Variants in LRMDA observed in about 807,000 individuals in gnomAD.
LRMDA encodes the protein leucine rich melanocyte differentiation associated, also known as leucine-rich melanocyte differentiation-associated protein.
LRMDA carries 18 observed loss-of-function variants against 29.8 expected under a neutral mutation model. The ratio of observed to expected loss-of-function variants is 0.60; its 90% CI spans 0.42 to 0.90. LRMDA has a LOEUF of 0.90. Among genes scored for constraint, LRMDA ranks in the 40% least tolerant of loss-of-function variants. The pLI is 0.00. For synonymous variants in LRMDA, 125 were observed against 109.4 expected, an observed-to-expected ratio of 1.14 and a Z score of -0.89; for missense variants, 273 against 273.9, an observed-to-expected ratio of 1.00 and a Z score of 0.02.
chr10:75,845,385 A>G (rs922252963), intron 2 of LRMDA, among the ~76,000 whole-genome samples: 1 of 152,182 alleles, frequency 6.6e-6, no homozygotes, highest in African/African-American at 2.4e-5. Flanking sequence ...AACTGAATGG[A>G]TCATTTAACT....
chr10:75,734,113 A>G (rs1015087508), intron 2 of LRMDA, among the ~76,000 whole-genome samples: 2 of 152,190 alleles, frequency 1.3e-5, no homozygotes, highest in African/African-American at 4.8e-5. Flanking sequence ...TTCTGTTGCC[A>G]TCTGACTGCT....
intron 5 of LRMDA, among the ~76,000 whole-genome samples, chr10:76,296,978 A>G (rs898942242): frequency 6.6e-6 from 1 of 152,144 alleles, no homozygotes; most frequent in African/African-American, 2.4e-5. Context: ...GCTGAGAGTC[A>G]CACAGCTGTT....
At chr10:75,779,263 C>CT (rs1337925061) in intron 2 of LRMDA, among the ~76,000 whole-genome samples, 2 of 152,184 alleles carry the variant, frequency 1.3e-5, no homozygotes, top group African/African-American at 4.8e-5. Flanking sequence ...TATTTGACCC[C>CT]TTTTGCCCCT....
chr10:76,017,118 G>T (rs1847891612), intron 2 of LRMDA, among the ~76,000 whole-genome samples: 1 of 152,212 alleles, frequency 6.6e-6, no homozygotes, highest in African/African-American at 2.4e-5. Flanking sequence ...ATTTCAATAC[G>T]ACTGGTGTCC....
At chr10:75,907,611 G>T (rs1845777873) in intron 2 of LRMDA, among the ~76,000 whole-genome samples, 1 of 152,166 alleles carries the variant, frequency 6.6e-6, no homozygotes, top group Non-Finnish European at 1.5e-5. Flanking sequence ...GTGATGGCAT[G>T]GTACGCTGCT....
intron 5 of LRMDA, among the ~76,000 whole-genome samples, chr10:76,063,467 T>A (rs1848735221): frequency 6.6e-6 from 1 of 152,166 alleles, no homozygotes; most frequent in South Asian, 2.1e-4. Flanking sequence ...TCCACCTGAT[T>A]TTCCCATCGT....
In LRMDA at chr10:75,495,745, G is replaced by A. The variant is rs564455666; in HGVS notation, c.131+57251G>A. The stretch of plus-strand genomic sequence containing the variant: ...GCCAGTGTCATGCATCCACCCTCCT[G>A]TGAACAGACTAACTTTAAAGAATTC... On this transcript the variant is annotated intron_variant, in intron 2 of 6. Coordinates refer to ENST00000611255, the MANE Select transcript of LRMDA (RefSeq NM_001305581.2). 2.0e-5 allele frequency among the ~76,000 whole-genome samples: 3 copies of A among 152,312 alleles called. No individual in the cohort carries two copies. The South Asian group carries it at 6.2e-4, about 32-fold the overall frequency.
chr10:76,483,897 C>A (rs1440690281), intron 6 of LRMDA, among the ~76,000 whole-genome samples: 1 of 151,814 alleles, frequency 6.6e-6, no homozygotes, highest in Non-Finnish European at 1.5e-5. Flanking sequence ...GAAAAAAGTT[C>A]CATTTGCAAC....
Position 76,193,207 on chromosome 10 carries a change from G to T in LRMDA, c.517-131194G>T, listed in dbSNP as rs1385753356. 2.0e-5 allele frequency among the ~76,000 whole-genome samples: 3 copies of T among 152,134 alleles called. No individual in the cohort carries two copies. The East Asian group carries it at 5.8e-4, about 29-fold the overall frequency. ...CAATGTGATGGAAGATAAAGGAAGC[G>T]GGGAGCCAAGATGGAAATGCATATT... is the stretch of plus-strand genomic sequence containing the variant. On this transcript the variant is annotated intron_variant, in intron 5 of 6. Transcript: ENST00000611255.
chr10:76,158,401 G>A (rs1391424658), intron 5 of LRMDA, among the ~76,000 whole-genome samples: 1 of 151,990 alleles, frequency 6.6e-6, no homozygotes, highest in African/African-American at 2.4e-5. Flanking sequence ...GCTGATAGCT[G>A]CCTTTAATTA....
chr10:75,622,077 C>T (rs529514282), intron 2 of LRMDA, among the ~76,000 whole-genome samples: 3 of 152,204 alleles, frequency 2.0e-5, no homozygotes, highest in East Asian at 3.9e-4. Context: ...ACAGCTCAGG[C>T]GCAATTCACC....
intron 6 of LRMDA, among the ~76,000 whole-genome samples, chr10:76,335,580 A>G (rs974112786): frequency 6.6e-6 from 1 of 152,184 alleles, no homozygotes; most frequent in Non-Finnish European, 1.5e-5. Context: ...GCATGGTTTT[A>G]TACATTTTAG....
chr10:75,984,777 C>T (rs1847235073), intron 2 of LRMDA, among the ~76,000 whole-genome samples: 1 of 152,188 alleles, frequency 6.6e-6, no homozygotes, highest in Admixed American at 6.5e-5. Context: ...TCAGGAGGAG[C>T]TGCTGCATTT....
chr10:76,031,897 A>G (rs1053814951), intron 2 of LRMDA, among the ~76,000 whole-genome samples: 2 of 152,140 alleles, frequency 1.3e-5, no homozygotes, highest in African/African-American at 4.8e-5. Flanking sequence ...GTGGTCAGCT[A>G]TTCCCCATGT....
intron 6 of LRMDA, among the ~76,000 whole-genome samples, chr10:76,547,521 A>G (rs1338058772): frequency 6.7e-6 from 1 of 150,314 alleles, no homozygotes; most frequent in Non-Finnish European, 1.5e-5. Flanking sequence ...ATTTATTTTA[A>G]GCAAGCGGCT....
chr10:75,909,311 A>G (rs550296503), intron 2 of LRMDA, among the ~76,000 whole-genome samples: 13 of 152,260 alleles, frequency 8.5e-5, no homozygotes, highest in Non-Finnish European at 1.3e-4. Context: ...GAATGAAATC[A>G]TATGTGGGAT....
intron 2 of LRMDA, among the ~76,000 whole-genome samples, chr10:75,706,603 G>A (rs1417544707): frequency 6.6e-6 from 1 of 152,176 alleles, no homozygotes; most frequent in Non-Finnish European, 1.5e-5. Context: ...AAGCAAACTG[G>A]ATGTGGTGAG....
At chr10:76,349,273 G>A (rs999447555) in intron 6 of LRMDA, among the ~76,000 whole-genome samples, 1 of 152,122 alleles carries the variant, frequency 6.6e-6, no homozygotes, top group Admixed American at 6.5e-5. Context: ...CTCAACTCTA[G>A]CATTCTAGTG....
intron 6 of LRMDA, among the ~76,000 whole-genome samples, chr10:76,396,200 A>T (rs1841781791): frequency 6.6e-6 from 1 of 152,198 alleles, no homozygotes; most frequent in Non-Finnish European, 1.5e-5. Context: ...AGAAACTAGA[A>T]ACGCTACATG....
Sources: gnomAD v4.1 joint callset for allele counts (sites outside exome capture counted in the v4.1 genomes callset) on GRCh38, gnomAD v4.1.1 for gene constraint, MANE v1.5 for transcripts, NCBI Gene and HGNC (gene_info 2026-07-23, HGNC 2026-07-21) for gene names.